The following WWC1 variants were observed in gnomAD, a reference collection of about 807,000 sequenced individuals.
WWC1 encodes the protein protein KIBRA.
In WWC1, 55 loss-of-function variants were observed where a neutral mutation model predicts 138.4. The observed-to-expected ratio is 0.40, with a 90% confidence interval of 0.32 to 0.50. The LOEUF is 0.50. WWC1 is among the 20% of genes least tolerant of loss of function. The pLI, the probability that WWC1 is intolerant of heterozygous loss-of-function variation, is 0.72. For missense variants in WWC1, 1,226 were observed against 1,420.4 expected (o/e 0.86, Z 2.20); for synonymous variants, 524 against 564.9 (o/e 0.93, Z 1.03).
At chr5:168,302,527 A>C (rs1273928573) in intron 1 of WWC1, among the ~76,000 whole-genome samples, 3 of 152,148 alleles carry the variant, frequency 2.0e-5, no homozygotes, top group African/African-American at 7.2e-5. Flanking sequence ...GCGGACCTAG[A>C]TTTGAAGCCG....
intron 2 of WWC1, among the ~76,000 whole-genome samples, chr5:168,384,050 T>G (rs2152817988): frequency 6.6e-6 from 1 of 152,330 alleles, no homozygotes; most frequent in East Asian, 1.9e-4. Flanking sequence ...GATAGTTATT[T>G]ATTCGGTTTT....
rs570765378 is a variant in WWC1 at position 168,349,776 on chromosome 5, G to A, written c.120-21648G>A. ...GGTTGGCTGCCGTGGGCCACTGGGCGGGAGGCTCACAGCCCTTCCTGTTTT... is the reference window on the plus strand; with the variant it reads ...GGTTGGCTGCCGTGGGCCACTGGGCAGGAGGCTCACAGCCCTTCCTGTTTT... On this transcript the variant is annotated intron_variant, in intron 1 of 22. Coordinates refer to ENST00000265293, the MANE Select transcript of WWC1 (RefSeq NM_015238.3). Among the ~76,000 whole-genome samples, 6 of 152,204 alleles carry A rather than the reference G, an allele frequency of 3.9e-5. No homozygotes were observed. In the South Asian group the frequency reaches 8.3e-4, roughly 21 times the overall value.
At position 168,292,364 on chromosome 5, in the gene WWC1, G is replaced by A. The variant is rs1199422515; in HGVS notation, c.119+93G>A. Reference sequence around the variant, plus strand: ...GCCGGCCGGGACTGGGAGGGGGCAGGGGAGCTCTGCGTGCCTCTTGAGCTC... The same window carrying A: ...GCCGGCCGGGACTGGGAGGGGGCAGAGGAGCTCTGCGTGCCTCTTGAGCTC... On this transcript the variant is annotated intron_variant, in intron 1 of 22. Transcript: ENST00000265293. The surrounding 1 kb of genome is among the most constrained non-coding windows in gnomAD (Gnocchi z 4.4). The A allele has an allele frequency of 2.1e-6, 3 of 1,442,402 alleles. No individual in the cohort carries two copies. Among genetic ancestry groups the A allele is most frequent in the Non-Finnish European group, 2.8e-6 (3 of 1,068,424 alleles). The allele number at this position is 1,442,402 out of a possible 1,614,324, so 89.4% of individuals were successfully genotyped here. A position where few individuals can be genotyped will look rare whatever the true frequency, so the allele number is the denominator to read the frequency against.
Position 168,341,807 on chromosome 5 carries a change from G to T in WWC1, c.120-29617G>T, listed in dbSNP as rs544241703. Among the ~76,000 whole-genome samples, 3 of 152,264 alleles carry T rather than the reference G, an allele frequency of 2.0e-5. No homozygotes were observed. In the South Asian group the frequency reaches 6.2e-4, roughly 32 times the overall value. ...TTCCCTGGCCCCTTAAGTGAGCCATGAAAAGGACCTGGTGATTCACCCACA... is the reference window on the plus strand; with the variant it reads ...TTCCCTGGCCCCTTAAGTGAGCCATTAAAAGGACCTGGTGATTCACCCACA... On this transcript the variant is annotated intron_variant, in intron 1 of 22. Coordinates refer to ENST00000265293, the MANE Select transcript of WWC1 (RefSeq NM_015238.3).
intron 1 of WWC1, chr5:168,316,503 G>C (rs979711207): frequency 6.6e-6 from 1 of 152,396 alleles, no homozygotes; most frequent in Non-Finnish European, 1.5e-5. Flanking sequence ...GCCTGACCTA[G>C]CGAGACTCTA....
chr5:168,359,333 C>T (rs1032259557), intron 1 of WWC1, among the ~76,000 whole-genome samples: 4 of 152,178 alleles, frequency 2.6e-5, no homozygotes, highest in African/African-American at 7.2e-5. Context: ...GGATTAGAGG[C>T]GTGAGCCACC....
chr5:168,309,223 C>T (rs1035499876), intron 1 of WWC1, among the ~76,000 whole-genome samples: 5 of 146,642 alleles, frequency 3.4e-5, no homozygotes, highest in Non-Finnish European at 7.4e-5. Context: ...GTCCTGTGTC[C>T]CCAAGCCTTC....
At chr5:168,422,129 C>A in intron 10 of WWC1, 32 bp downstream of exon 10, 1 of 1,600,020 alleles carries the variant, frequency 6.2e-7, no homozygotes, top group South Asian at 1.1e-5. Flanking sequence ...CACTGCTCCC[C>A]TGGGCATGGC....
At chr5:168,447,235 T>C (rs2152877338) in intron 17 of WWC1, among the ~76,000 whole-genome samples, 2 of 152,342 alleles carry the variant, frequency 1.3e-5, no homozygotes, top group South Asian at 4.1e-4. Context: ...TCAATAACTC[T>C]TCCGTATTAT....
intron 1 of WWC1, among the ~76,000 whole-genome samples, chr5:168,319,617 C>T (rs1771894500): frequency 6.6e-6 from 1 of 152,142 alleles, no homozygotes; most frequent in Non-Finnish European, 1.5e-5. Context: ...CCTCCAGCCT[C>T]AGCCTCCTGA....
At chr5:168,325,838 A>G (rs1362845196) in intron 1 of WWC1, among the ~76,000 whole-genome samples, 13 of 152,062 alleles carry the variant, frequency 8.5e-5, no homozygotes, top group Non-Finnish European at 1.5e-4. Flanking sequence ...GGAAACTACT[A>G]TTCTGTCTCT....
intron 2 of WWC1, among the ~76,000 whole-genome samples, chr5:168,377,191 G>C (rs1777244177): frequency 6.6e-6 from 1 of 152,110 alleles, no homozygotes; most frequent in Admixed American, 6.6e-5. Context: ...AGGACTTCCT[G>C]TTCAATAAAT....
intron 15 of WWC1, among the ~76,000 whole-genome samples, chr5:168,437,183 A>C (rs773727410): frequency 2.0e-5 from 3 of 152,048 alleles, no homozygotes; most frequent in African/African-American, 7.2e-5. Context: ...ACTTTATTCA[A>C]ATGTCACCTT....
At chr5:168,373,719 TAAAAAAA>T (rs368930085) in intron 2 of WWC1, among the ~76,000 whole-genome samples, 10 of 52,650 alleles carry the variant, frequency 1.9e-4, no homozygotes, top group East Asian at 1.1e-3. Context: ...CCTTGTCTCT[TAAAAAAA>T]AAAAAAAAAA....
intron 5 of WWC1, among the ~76,000 whole-genome samples, chr5:168,403,437 G>T (rs1779538818): frequency 6.6e-6 from 1 of 152,154 alleles, no homozygotes; most frequent in Non-Finnish European, 1.5e-5. Flanking sequence ...CACCTGTCAT[G>T]ATTCTGATGA....
chr5:168,379,732 T>C (rs115009381), intron 2 of WWC1, among the ~76,000 whole-genome samples: 1,747 of 152,304 alleles, frequency 0.011, 25 homozygotes, highest in African/African-American at 0.04. Context: ...TAAAGAACTT[T>C]TAAAAGGCCC....
chr5:168,455,206 C>T (rs904850516), intron 18 of WWC1, 150 bp from the exon 19 acceptor site: 1 of 990,920 alleles, frequency 1.0e-6, no homozygotes, highest in Non-Finnish European at 1.5e-6. Flanking sequence ...AGGCTGAGCT[C>T]ATCTAGCAGG....
intron 19 of WWC1, among the ~76,000 whole-genome samples, chr5:168,459,818 C>T (rs1756644293): frequency 6.6e-6 from 1 of 152,132 alleles, no homozygotes; most frequent in African/African-American, 2.4e-5. Flanking sequence ...ACAATAGCAT[C>T]GGCCTGTCAC....
chr5:168,372,587 T>C (rs1158618695), intron 2 of WWC1, among the ~76,000 whole-genome samples: 3 of 152,224 alleles, frequency 2.0e-5, no homozygotes, highest in East Asian at 3.8e-4. Flanking sequence ...ATCCTCCCAA[T>C]TCCTGGTGGG....
Sources: allele counts gnomAD v4.1 joint callset (sites outside exome capture counted in the v4.1 genomes callset), GRCh38; gene constraint gnomAD v4.1.1; non-coding constraint Gnocchi (gnomAD v3.1); transcripts MANE v1.5; gene names NCBI Gene and HGNC (gene_info 2026-07-23, HGNC 2026-07-21).